The following BFSP2 variants were observed in gnomAD, a reference collection of about 807,000 sequenced individuals.
BFSP2 encodes the protein phakinin.
A neutral mutation model predicts 44.9 loss-of-function variants in BFSP2; 38 were observed. The ratio of observed to expected loss-of-function variants is 0.85; its 90% CI spans 0.65 to 1.11. The LOEUF is 1.11. BFSP2 is among the 50% of genes least tolerant of loss of function. The pLI is 0.00. For missense variants in BFSP2, 525 were observed against 533.0 expected (o/e 0.99, Z 0.15); for synonymous variants, 197 against 209.9 (o/e 0.94, Z 0.53).
At position 133,400,227 on chromosome 3, in the gene BFSP2, TG is replaced by T; in HGVS notation, c.146del (p.Gly49AlafsTer10). 2 of 1,613,912 alleles carry T rather than the reference TG, an allele frequency of 1.2e-6. No homozygotes were observed. The highest frequency in any genetic ancestry group is 1.7e-6 in the Non-Finnish European group (2 of 1,179,922). The part of the protein sequence containing the change: ...PPASRTNAMS[G>X]LVRAPGVYVG... The stretch of plus-strand genomic sequence containing the variant: ...CAGCCTCCAGGACCAATGCCATGAG[TG>T]GCCTTGTCCGAGCACCCGGGGTCTA... On this transcript the variant is annotated frameshift_variant, in exon 1 of 7. Transcript: ENST00000302334. LOFTEE classifies it high-confidence loss of function. The surrounding 1 kb of genome is among the most constrained non-coding windows in gnomAD (Gnocchi z 4.0).
chr3:133,473,349 T>G (rs2074184349), intron 6 of BFSP2, among the ~76,000 whole-genome samples: 1 of 151,548 alleles, frequency 6.6e-6, no homozygotes, highest in Admixed American at 6.6e-5. Flanking sequence ...TGTCTTTATC[T>G]TTGTCACCCC....
chr3:133,442,697 G>A (rs1295084293), intron 1 of BFSP2, among the ~76,000 whole-genome samples: 3 of 152,080 alleles, frequency 2.0e-5, no homozygotes, highest in Non-Finnish European at 2.9e-5. Context: ...TGTGGGGGTA[G>A]AATTGACTAG....
intron 5 of BFSP2, among the ~76,000 whole-genome samples, chr3:133,468,303 T>C (rs946987777): frequency 6.6e-6 from 1 of 152,172 alleles, no homozygotes; most frequent in African/African-American, 2.4e-5. Context: ...CCTCACTCAC[T>C]AGCTATGTGA....
chr3:133,407,056 A>G (rs2073410976), intron 1 of BFSP2, among the ~76,000 whole-genome samples: 1 of 152,176 alleles, frequency 6.6e-6, no homozygotes, highest in South Asian at 2.1e-4. Context: ...CCTGGGTGAC[A>G]GAGCAAGACC....
chr3:133,422,105 C>CAAAAA (rs35193779), intron 1 of BFSP2, among the ~76,000 whole-genome samples: 4,219 of 83,886 alleles, frequency 0.05, 672 homozygotes, highest in African/African-American at 0.23. Context: ...GACTCCATCT[C>CAAAAA]AAAAAAAAAA....
intron 1 of BFSP2, among the ~76,000 whole-genome samples, chr3:133,444,196 C>T (rs555114013): frequency 2.6e-5 from 4 of 152,112 alleles, no homozygotes; most frequent in Admixed American, 2.0e-4. Context: ...GGATCAGTGC[C>T]AGACTGCACA....
intron 5 of BFSP2, among the ~76,000 whole-genome samples, chr3:133,467,858 G>C (rs972209592): frequency 6.6e-6 from 1 of 152,148 alleles, no homozygotes; most frequent in Admixed American, 6.5e-5. Flanking sequence ...TAGGATGTAG[G>C]TCCGTGCAAG....
At chr3:133,442,033 A>G (rs144590346) in intron 1 of BFSP2, among the ~76,000 whole-genome samples, 31 of 152,318 alleles carry the variant, frequency 2.0e-4, no homozygotes, top group African/African-American at 6.5e-4. Context: ...CCTTTGGAGC[A>G]ATGGAAGAGT....
Position 133,450,392 on chromosome 3 carries a change from G to A in BFSP2, c.819G>A (p.Glu273=). ...PIGTGLDDIL[E]TIRIQWERDV... ...GCACTGGTCTGGACGACATCCTTGA[G>A]ACGATCAGAATTCAGTGGGAGAGAG... The change falls in exon 4 of 7, where the codon GAG becomes GAA. Residue 273 remains glutamate, a synonymous_variant. Coordinates refer to ENST00000302334, the MANE Select transcript of BFSP2 (RefSeq NM_003571.4). The A allele has an allele frequency of 6.2e-7, 1 of 1,614,188 alleles. No individual in the cohort carries two copies. Among genetic ancestry groups the A allele is most frequent in the Non-Finnish European group, 8.5e-7 (1 of 1,180,038 alleles).
At chr3:133,431,320 A>T (rs190612052) in intron 1 of BFSP2, among the ~76,000 whole-genome samples, 1 of 152,324 alleles carries the variant, frequency 6.6e-6, no homozygotes, top group Admixed American at 6.5e-5. Flanking sequence ...TCCCAGCCAC[A>T]TCTCCAGCAC....
chr3:133,416,946 C>CT (rs2073539955), intron 1 of BFSP2, among the ~76,000 whole-genome samples: 1 of 131,918 alleles, frequency 7.6e-6, no homozygotes, highest in African/African-American at 2.9e-5. Flanking sequence ...CTACTCACCC[C>CT]GTCCTCTCCC....
At chr3:133,428,458 C>T (rs1559965392) in intron 1 of BFSP2, among the ~76,000 whole-genome samples, 1 of 140,256 alleles carries the variant, frequency 7.1e-6, no homozygotes, top group African/African-American at 2.7e-5. Context: ...GCACATGGAA[C>T]GTGGGGACAC....
intron 5 of BFSP2, among the ~76,000 whole-genome samples, chr3:133,469,916 A>G (rs1576600435): frequency 6.6e-6 from 1 of 152,258 alleles, no homozygotes; most frequent in Non-Finnish European, 1.5e-5. Flanking sequence ...AGATGGAGCA[A>G]AAACTATAGA....
chr3:133,458,916 G>T (rs761313634), intron 4 of BFSP2, among the ~76,000 whole-genome samples: 34 of 152,256 alleles, frequency 2.2e-4, no homozygotes, highest in Admixed American at 4.6e-4. Flanking sequence ...GACAAACCAG[G>T]TGCAAGGCCC....
chr3:133,419,844 C>T (rs959190677), intron 1 of BFSP2, among the ~76,000 whole-genome samples: 6 of 152,234 alleles, frequency 3.9e-5, no homozygotes, highest in Non-Finnish European at 7.3e-5. Flanking sequence ...AGTCAGCACT[C>T]AAGGCAGAAT....
At chr3:133,424,245 T>TGTGTGTGTGTGTGTGTGTGTGTGTGTG (rs2073623766) in intron 1 of BFSP2, among the ~76,000 whole-genome samples, 1 of 129,786 alleles carries the variant, frequency 7.7e-6, no homozygotes, top group African/African-American at 3.5e-5. Context: ...TTTTTTTGTA[T>TGTGTGTGTGTGTGTGTGTGTGTGTGTG]TTTTAGTAGA....
intron 1 of BFSP2, among the ~76,000 whole-genome samples, chr3:133,444,996 C>T (rs1197004752): frequency 6.6e-6 from 1 of 152,190 alleles, no homozygotes; most frequent in African/African-American, 2.4e-5. Flanking sequence ...CAAGGCCTTC[C>T]CTCTATGGTC....
chr3:133,416,177 AG>A, intron 1 of BFSP2, among the ~76,000 whole-genome samples: 1 of 98,046 alleles, frequency 1.0e-5, no homozygotes, highest in Non-Finnish European at 2.0e-5. Context: ...CCCTCTAGTC[AG>A]CCCTGTTCTC....
chr3:133,421,443 C>T (rs1399042403), intron 1 of BFSP2, among the ~76,000 whole-genome samples: 2 of 152,198 alleles, frequency 1.3e-5, no homozygotes, highest in African/African-American at 2.4e-5. Context: ...TTCCTTGGCC[C>T]GTAGATGCAT....
Sources: gnomAD v4.1 joint callset for allele counts (sites outside exome capture counted in the v4.1 genomes callset) on GRCh38, gnomAD v4.1.1 for gene constraint, Gnocchi (gnomAD v3.1) non-coding constraint, MANE v1.5 for transcripts, NCBI Gene and HGNC (gene_info 2026-07-23, HGNC 2026-07-21) for gene names.